Variants in BRWD1 observed in about 807,000 individuals in gnomAD.
The protein encoded by BRWD1 is bromodomain and WD repeat domain containing 1.
In BRWD1, 82 loss-of-function variants were observed where a neutral mutation model predicts 251.2. The ratio of observed to expected loss-of-function variants is 0.33; its 90% CI spans 0.27 to 0.39. The LOEUF is 0.39. Among genes scored for constraint, BRWD1 ranks in the 10% least tolerant of loss-of-function variants. The pLI, the probability that BRWD1 is intolerant of heterozygous loss-of-function variation, is 1.00. For missense variants in BRWD1, 2,233 were observed against 2,711.6 expected, an observed-to-expected ratio of 0.82 and a Z score of 3.92; for synonymous variants, 918 against 902.8, an observed-to-expected ratio of 1.02 and a Z score of -0.30.
chr21:39,310,081 G>T (rs1186811088), intron 4 of BRWD1, among the ~76,000 whole-genome samples: 1 of 152,224 alleles, frequency 6.6e-6, no homozygotes, highest in African/African-American at 2.4e-5. Flanking sequence ...GATAATCACT[G>T]AAGTTGGAAA....
chr21:39,266,149 G>T (rs1022680934), intron 15 of BRWD1, among the ~76,000 whole-genome samples: 1 of 152,020 alleles, frequency 6.6e-6, no homozygotes, highest in Admixed American at 6.6e-5. Context: ...GTCACTGCTT[G>T]AATAGTGATA....
intron 13 of BRWD1, among the ~76,000 whole-genome samples, chr21:39,272,008 C>CAAAAA (rs376900840): frequency 8.7e-6 from 1 of 115,188 alleles, no homozygotes. Context: ...CACTCCATTT[C>CAAAAA]AAAAAAAAAA....
chr21:39,203,444 T>TTTTTTTTTTTTTTTTTTTG (rs2032220244), intron 37 of BRWD1, among the ~76,000 whole-genome samples: 1 of 135,214 alleles, frequency 7.4e-6, no homozygotes, highest in Non-Finnish European at 1.6e-5. Flanking sequence ...GGTTCTTTTT[T>TTTTTTTTTTTTTTTTTTTG]TTTTTTTTTT....
intron 28 of BRWD1, 112 bp from the exon 29 acceptor site, chr21:39,224,581 A>G: frequency 1.6e-6 from 1 of 637,856 alleles, no homozygotes; most frequent in Non-Finnish European, 2.7e-6. Context: ...GCAGCAGTAC[A>G]ATTTTAAATA....
In BRWD1 at chr21:39,289,462, A is replaced by AT. The variant is rs911457854; in HGVS notation, c.831+4348dup. Among the ~76,000 whole-genome samples, 1,191 of 145,224 alleles carry AT rather than the reference A, an allele frequency of 8.2e-3. 13 individuals carry two copies. Among genetic ancestry groups the AT allele is most frequent in the African/African-American group, 0.025 (984 of 39,818 alleles). Reference sequence around the variant, plus strand: ...TTTATTTCCATTTACCCACACATTCATTTTTTTTTTTGTCTTAAGTCTTCA... The same window carrying AT: ...TTTATTTCCATTTACCCACACATTCATTTTTTTTTTTTGTCTTAAGTCTTCA... On this transcript the variant is annotated intron_variant, in intron 8 of 40. Coordinates refer to ENST00000342449, the MANE Select transcript of BRWD1 (RefSeq NM_033656.4).
upstream of BRWD1, chr21:39,315,887 GT>G (rs1463214490): frequency 6.6e-6 from 1 of 152,226 alleles, no homozygotes; most frequent in East Asian, 1.9e-4. Flanking sequence ...TGGGGGAAAT[GT>G]TAGGGAAGTT....
intron 10 of BRWD1, 50 bp from the exon 11 acceptor site, chr21:39,277,401 GAACAA>G: frequency 9.0e-7 from 1 of 1,109,694 alleles, no homozygotes; most frequent in Non-Finnish European, 1.2e-6. Context: ...ACAAATACCT[GAACAA>G]ATCAAATTTC....
chr21:39,265,159 C>T (rs563797812), intron 15 of BRWD1, 140 bp from the exon 16 acceptor site: 9 of 917,884 alleles, frequency 9.8e-6, no homozygotes, highest in African/African-American at 3.4e-5. Context: ...CATGGTGGCT[C>T]ATACCTGTAA....
chr21:39,312,871 G>A lies in BRWD1; in HGVS notation c.168C>T (p.Gly56=), dbSNP rs776648658. Residue 56 remains glycine, a synonymous_variant, in exon 4 of 41, where the codon GGC becomes GGT. Coordinates refer to ENST00000342449, the MANE Select transcript of BRWD1 (RefSeq NM_033656.4). The part of the protein sequence containing the change: ...QLLPKRLDWE[G]NEHNRSYEEL... ...CCTCGTAGCTCCTGTTGTGCTCGTT[G>A]CCCTCCCAGTCCAATCTCTTCGGCA... 12 of 1,569,258 alleles carry A rather than the reference G, an allele frequency of 7.6e-6. No homozygotes were observed. The highest frequency in any genetic ancestry group is 2.4e-5 in the East Asian group (1 of 41,252).
rs772265798 is a variant in BRWD1 at position 39,187,490 on chromosome 21, TCAA to T, written c.*8766_*8768del. Reference sequence around the variant, plus strand: ...AAGATTTTACTACTGCTAACATTCCTCAACAACACTCATTCGGAAACAATAAAT... The same window carrying T: ...AAGATTTTACTACTGCTAACATTCCTCAACACTCATTCGGAAACAATAAAT... On this transcript the variant is annotated 3_prime_UTR_variant, in exon 41 of 41. Transcript: ENST00000342449. The T allele has an allele frequency of 3.2e-5, 47 of 1,478,140 alleles. No homozygotes were observed. The highest frequency in any genetic ancestry group is 7.1e-5 in the African/African-American group (5 of 70,798). 91.6% of individuals were successfully genotyped at this position (1,478,140 alleles called of 1,614,324 possible).
Position 39,193,066 on chromosome 21 carries a change from C to T in BRWD1, c.*3193G>A. On this transcript the variant is annotated 3_prime_UTR_variant, in exon 41 of 41. Transcript: ENST00000342449. ...ATTCTTTACTTTTGGACAGTAACAC[C>T]CTCAGATGGTATTTTTATTGGTTTG... 1.0e-6 allele frequency: 1 copy of T among 984,994 alleles called. No individual in the cohort carries two copies. Among genetic ancestry groups the T allele is most frequent in the Non-Finnish European group, 1.2e-6 (1 of 829,688 alleles). 61.0% of individuals were successfully genotyped at this position (984,994 alleles called of 1,614,324 possible). A position where few individuals can be genotyped will look rare whatever the true frequency, so the allele number is the denominator to read the frequency against.
chr21:39,206,737 A>G (rs1162096186), intron 36 of BRWD1, among the ~76,000 whole-genome samples: 1 of 152,240 alleles, frequency 6.6e-6, no homozygotes, highest in Admixed American at 6.5e-5. Context: ...ACCTAATTCT[A>G]AAAATGAAAC....
intron 19 of BRWD1, among the ~76,000 whole-genome samples, chr21:39,255,367 A>G (rs1361722518): frequency 6.6e-6 from 1 of 151,958 alleles, no homozygotes; most frequent in Non-Finnish European, 1.5e-5. Context: ...AGCCGAGATC[A>G]TGCCACCGCA....
chr21:39,197,886 A>G (rs1227210617), intron 40 of BRWD1, among the ~76,000 whole-genome samples: 1 of 152,198 alleles, frequency 6.6e-6, no homozygotes, highest in Non-Finnish European at 1.5e-5. Flanking sequence ...ATCTTATGAG[A>G]CCACCACTGT....
chr21:39,265,092 T>C, intron 15 of BRWD1, 73 bp from the exon 16 acceptor site: 1 of 1,477,624 alleles, frequency 6.8e-7, no homozygotes, highest in East Asian at 2.3e-5. Context: ...TTTTTTAATG[T>C]GGATAACCTG....
At chr21:39,241,473 T>TAAAAAAAAA (rs61488970) in intron 21 of BRWD1, among the ~76,000 whole-genome samples, 6 of 44,920 alleles carry the variant, frequency 1.3e-4, no homozygotes, top group East Asian at 1.6e-3. Flanking sequence ...ATCTCCAAAG[T>TAAAAAAAAA]AAAAAAAAAA....
At chr21:39,281,353 T>C (rs2035451296) in intron 8 of BRWD1, among the ~76,000 whole-genome samples, 1 of 152,110 alleles carries the variant, frequency 6.6e-6, no homozygotes. Context: ...AGCTCCACCC[T>C]TCTCCCCCTA....
chr21:39,233,548 A>C (rs545581541), intron 23 of BRWD1, among the ~76,000 whole-genome samples: 153 of 151,830 alleles, frequency 1.0e-3, no homozygotes, highest in African/African-American at 2.7e-3. Flanking sequence ...CACACACACA[A>C]AAAAAAAGCA....
intron 34 of BRWD1, among the ~76,000 whole-genome samples, chr21:39,211,955 T>C (rs2032678479): frequency 6.6e-6 from 1 of 152,208 alleles, no homozygotes; most frequent in African/African-American, 2.4e-5. Context: ...CTTCAAAGCC[T>C]GCCGATACTC....
Sources: allele counts gnomAD v4.1 joint callset (sites outside exome capture counted in the v4.1 genomes callset), GRCh38; gene constraint gnomAD v4.1.1; transcripts MANE v1.5; gene names NCBI Gene and HGNC (gene_info 2026-07-23, HGNC 2026-07-21).